PTPRD: variants seen among roughly 807,000 people sequenced by gnomAD.
The protein encoded by PTPRD is protein tyrosine phosphatase receptor type D.
PTPRD carries 34 observed loss-of-function variants against 214.5 expected under a neutral mutation model. The observed-to-expected ratio is 0.16, with a 90% CI of 0.12 to 0.21. The LOEUF is 0.21. Ranked by LOEUF, PTPRD falls within the 10% of genes least tolerant of loss-of-function variation. The pLI, the probability that PTPRD is intolerant of heterozygous loss-of-function variation, is 1.00. For synonymous variants in PTPRD, 1,128 were observed against 845.7 expected (o/e 1.33, Z -5.79); for missense variants, 2,545 against 2,398.7 (o/e 1.06, Z -1.27).
At chr9:9,917,753 T>G (rs554111040) in intron 5 of PTPRD, among the ~76,000 whole-genome samples, 1 of 151,998 alleles carries the variant, frequency 6.6e-6, no homozygotes, top group African/African-American at 2.4e-5. Flanking sequence ...CATGATTAAA[T>G]GGGAGTTATC....
At chr9:9,124,220 C>T (rs2099820311) in intron 10 of PTPRD, among the ~76,000 whole-genome samples, 3 of 152,068 alleles carry the variant, frequency 2.0e-5, no homozygotes, top group Non-Finnish European at 2.9e-5. Context: ...TAGACATTTT[C>T]CTGGGAGAGG....
At chr9:10,032,826 A>G (rs2097107599) in intron 4 of PTPRD, among the ~76,000 whole-genome samples, 1 of 151,726 alleles carries the variant, frequency 6.6e-6, no homozygotes, top group African/African-American at 2.4e-5. Flanking sequence ...TTTACATTTC[A>G]ACTGTATGCA....
intron 8 of PTPRD, among the ~76,000 whole-genome samples, chr9:9,503,801 T>C (rs1211465424): frequency 6.6e-6 from 1 of 151,736 alleles, no homozygotes; most frequent in Non-Finnish European, 1.5e-5. Context: ...TGAAGCATTC[T>C]TGGGCATGTA....
chr9:9,455,718 C>T (rs1312663700), intron 8 of PTPRD, among the ~76,000 whole-genome samples: 1 of 151,272 alleles, frequency 6.6e-6, no homozygotes, highest in African/African-American at 2.4e-5. Context: ...TATAAAGGGG[C>T]AAAAGCATGG....
intron 7 of PTPRD, among the ~76,000 whole-genome samples, chr9:9,577,432 G>A (rs2089259535): frequency 6.6e-6 from 1 of 151,994 alleles, no homozygotes; most frequent in Non-Finnish European, 1.5e-5. Flanking sequence ...AGGGGTGGTG[G>A]TGTGTGCTTG....
intron 27 of PTPRD, among the ~76,000 whole-genome samples, chr9:8,492,128 C>A (rs575852454): frequency 1.3e-5 from 2 of 152,122 alleles, no homozygotes; most frequent in Non-Finnish European, 2.9e-5. Flanking sequence ...TGCTTTTCTT[C>A]TTTTTCTTTT....
intron 12 of PTPRD, among the ~76,000 whole-genome samples, chr9:8,663,972 A>G (rs1376238666): frequency 6.6e-6 from 1 of 151,832 alleles, no homozygotes; most frequent in Non-Finnish European, 1.5e-5. Flanking sequence ...ACGATCTCTG[A>G]TATTTCACAC....
intron 5 of PTPRD, among the ~76,000 whole-genome samples, chr9:9,864,490 G>C (rs1044515009): frequency 6.6e-6 from 1 of 151,994 alleles, no homozygotes; most frequent in African/African-American, 2.4e-5. Flanking sequence ...TACAGTTTCT[G>C]TTTCGGATTT....
intron 14 of PTPRD, among the ~76,000 whole-genome samples, chr9:8,557,455 T>TATATATATATATACAC: frequency 2.2e-5 from 3 of 135,640 alleles, no homozygotes; most frequent in African/African-American, 1.0e-4. Flanking sequence ...TATATATATA[T>TATATATATATATACAC]ATTTGGGCCG....
Position 9,036,475 on chromosome 9 carries a change from T to C in PTPRD, c.-142-17740A>G, listed in dbSNP as rs112037218. On this transcript the variant is annotated intron_variant, in intron 10 of 45. Transcript: ENST00000381196. ...GTAAATCCTAGATGGGATTCTGGAA[T>C]AGCAAAAGGGCATTAAGTAAAAATT... Among the ~76,000 whole-genome samples the C allele has an allele frequency of 5.0e-3, 764 of 152,216 alleles. 2 individuals are homozygous for C. Among genetic ancestry groups the C allele is most frequent in the Middle Eastern group, 0.01 (3 of 294 alleles).
chr9:10,179,223 T>G (rs2099267520), intron 3 of PTPRD, among the ~76,000 whole-genome samples: 1 of 151,664 alleles, frequency 6.6e-6, no homozygotes, highest in East Asian at 1.9e-4. Context: ...AAAAGAACTT[T>G]GAGCCAGGAA....
intron 12 of PTPRD, among the ~76,000 whole-genome samples, chr9:8,676,636 C>T (rs1438260474): frequency 7.3e-5 from 11 of 151,688 alleles, no homozygotes; most frequent in Non-Finnish European, 1.5e-4. Context: ...TGCAATGGCG[C>T]GATCTCGGCT....
chr9:8,977,958 T>C (rs1474259773), intron 11 of PTPRD, among the ~76,000 whole-genome samples: 4 of 152,144 alleles, frequency 2.6e-5, no homozygotes, highest in Non-Finnish European at 2.9e-5. Context: ...TTGTTTATAC[T>C]GTTGTCTTTT....
chr9:9,051,724 C>T (rs897938667), intron 10 of PTPRD, among the ~76,000 whole-genome samples: 2 of 152,134 alleles, frequency 1.3e-5, no homozygotes, highest in African/African-American at 4.8e-5. Flanking sequence ...CATGTTCACA[C>T]AGAATTTAAA....
chr9:10,277,429 A>C (rs2094776155), intron 3 of PTPRD, among the ~76,000 whole-genome samples: 1 of 152,228 alleles, frequency 6.6e-6, no homozygotes, highest in Non-Finnish European at 1.5e-5. Flanking sequence ...TCTCGGCACC[A>C]CTAGTTTAGT....
At chr9:9,441,407 G>A (rs959154603) in intron 8 of PTPRD, among the ~76,000 whole-genome samples, 1 of 152,172 alleles carries the variant, frequency 6.6e-6, no homozygotes, top group South Asian at 2.1e-4. Flanking sequence ...GAAAAAGTAT[G>A]TCTGAAATTC....
intron 5 of PTPRD, among the ~76,000 whole-genome samples, chr9:9,841,415 C>G (rs1252023842): frequency 6.6e-6 from 1 of 151,944 alleles, no homozygotes; most frequent in African/African-American, 2.4e-5. Context: ...AGCAAAATAA[C>G]TATGTTACTC....
intron 43 of PTPRD, among the ~76,000 whole-genome samples, chr9:8,335,879 T>C (rs1413013061): frequency 6.6e-6 from 1 of 152,106 alleles, no homozygotes; most frequent in Non-Finnish European, 1.5e-5. Context: ...CCATTCACAA[T>C]TGCTTCAAAG....
chr9:9,114,171 A>G (rs1174263653), intron 10 of PTPRD, among the ~76,000 whole-genome samples: 1 of 152,182 alleles, frequency 6.6e-6, no homozygotes, highest in Non-Finnish European at 1.5e-5. Context: ...CTGCAGGCCA[A>G]TCATGTTGCC....
Sources: gnomAD v4.1 joint callset for allele counts (sites outside exome capture counted in the v4.1 genomes callset) on GRCh38, gnomAD v4.1.1 for gene constraint, MANE v1.5 for transcripts, NCBI Gene and HGNC (gene_info 2026-07-23, HGNC 2026-07-21) for gene names.